The following CHIC1 variants were observed in gnomAD, a reference collection of about 807,000 sequenced individuals.
CHIC1 encodes cysteine-rich hydrophobic domain-containing protein 1.
CHIC1 carries 7 observed loss-of-function variants against 18.5 expected under a neutral mutation model. That is an observed-to-expected ratio of 0.38 (90% CI 0.22 to 0.71). The LOEUF (loss-of-function observed/expected upper bound fraction) is 0.71, where lower values mean the gene tolerates loss of function less well. Among genes scored for constraint, CHIC1 ranks in the 30% least tolerant of loss-of-function variants. CHIC1 has a pLI of 0.49. For synonymous variants in CHIC1, 77 were observed against 73.5 expected, an observed-to-expected ratio of 1.05 and a Z score of -0.25; for missense variants, 159 against 176.9, an observed-to-expected ratio of 0.90 and a Z score of 0.57.
chrX:73,563,719 A>G (rs1254075764), intron 1 of CHIC1, 139 bp downstream of exon 1: 1 of 553,801 alleles, frequency 1.8e-6, no homozygotes, highest in Non-Finnish European at 2.6e-6. Flanking sequence ...CACCTGGTCT[A>G]AATGGGGAAA....
At chrX:73,603,681 A>G (rs767647084) in intron 3 of CHIC1, among the ~76,000 whole-genome samples, 1 of 108,466 alleles carries the variant, frequency 9.2e-6, no homozygotes, top group East Asian at 2.8e-4. Context: ...TTCCATTAAT[A>G]CCTTGTTTAT....
intron 3 of CHIC1, among the ~76,000 whole-genome samples, chrX:73,612,207 T>A (rs1185513819): frequency 2.7e-5 from 3 of 111,921 alleles, no homozygotes; most frequent in African/African-American, 3.2e-5. Context: ...ATAAGTTGTA[T>A]GGAAGGGATC....
chrX:73,680,088 C>T (rs2058090404), intron 5 of CHIC1, among the ~76,000 whole-genome samples: 1 of 103,277 alleles, frequency 9.7e-6, no homozygotes, highest in Admixed American at 1.0e-4. Flanking sequence ...TTCTGGATTC[C>T]TATTACTGGC....
intron 3 of CHIC1, among the ~76,000 whole-genome samples, chrX:73,673,266 T>C (rs2058041865): frequency 9.0e-6 from 1 of 111,694 alleles, no homozygotes; most frequent in African/African-American, 3.3e-5. Flanking sequence ...TTAAAGTAGT[T>C]TTTTCCAATT....
chrX:73,597,594 C>T (rs1329641130), intron 3 of CHIC1, among the ~76,000 whole-genome samples: 1 of 105,068 alleles, frequency 9.5e-6, no homozygotes, highest in Non-Finnish European at 2.0e-5. Flanking sequence ...TATATACACA[C>T]ATATATATAT....
chrX:73,655,502 A>G (rs759909568), intron 3 of CHIC1, among the ~76,000 whole-genome samples: 9 of 84,057 alleles, frequency 1.1e-4, no homozygotes, highest in Non-Finnish European at 1.6e-4. Flanking sequence ...GTGTATATAT[A>G]TATACATATA....
intron 3 of CHIC1, among the ~76,000 whole-genome samples, chrX:73,641,667 C>G (rs2057857014): frequency 9.2e-6 from 1 of 108,853 alleles, no homozygotes. Context: ...TCCCTTCCCC[C>G]CTCCCCCCAC....
rs766670522 is a variant in CHIC1, at chrX:73,616,533, G to A, written c.507+31961G>A. ...ACATTTTCCTTACATTGCCCTAGCA[G>A]ATGTTCTCTATGAGAGCCCCACCCC... On this transcript the variant is annotated intron_variant, in intron 3 of 5. Coordinates refer to ENST00000373502, the MANE Select transcript of CHIC1 (RefSeq NM_001039840.4). Among the ~76,000 whole-genome samples, 6 of 112,091 alleles carry A rather than the reference G, an allele frequency of 5.4e-5. No individual in the cohort carries two copies. The East Asian group carries it at 8.5e-4, about 16-fold the overall frequency.
At chrX:73,601,488 A>C (rs1603342279) in intron 3 of CHIC1, among the ~76,000 whole-genome samples, 1 of 106,639 alleles carries the variant, frequency 9.4e-6, no homozygotes, top group African/African-American at 3.7e-5. Context: ...TGAAGGCAGA[A>C]ATAAAGATGT....
chrX:73,665,232 G>T (rs751804132), intron 3 of CHIC1, among the ~76,000 whole-genome samples: 32 of 110,758 alleles, frequency 2.9e-4, no homozygotes, highest in Non-Finnish European at 5.3e-4. Context: ...GCTGAGGGAG[G>T]TGGAGGTGGA....
intron 3 of CHIC1, among the ~76,000 whole-genome samples, chrX:73,649,874 C>T (rs192499750): frequency 8.9e-6 from 1 of 112,711 alleles, no homozygotes; most frequent in East Asian, 2.8e-4. Context: ...CACCCCAAAT[C>T]TGCAGAATAT....
intron 5 of CHIC1, among the ~76,000 whole-genome samples, chrX:73,680,242 A>G (rs2058091791): frequency 9.0e-6 from 1 of 110,574 alleles, no homozygotes; most frequent in Admixed American, 9.7e-5. Context: ...CATAATTAAC[A>G]TTGAAAATAT....
rs148912894 is a variant in CHIC1 at position 73,584,482 on chromosome X, G to A, written c.417G>A (p.Pro139=). Residue 139 remains proline (P), a synonymous_variant, in exon 3 of 6, where the codon CCG becomes CCA. Transcript: ENST00000373502. ...ATGCATGTTTGAAAAAGGCTCTCCC[G>A]GTCAATGTGAAATGGCTGCTGTGTG... is the stretch of plus-strand genomic sequence containing the variant. ...RVNACLKKAL[P]VNVKWLLCGC... 7.5e-5 allele frequency: 88 copies of A among 1,172,249 alleles called. No individual in the cohort carries two copies. The highest frequency in any genetic ancestry group is 7.2e-4 in the Admixed American group (29 of 40,275).
intron 3 of CHIC1, among the ~76,000 whole-genome samples, chrX:73,645,865 A>T (rs775150585): frequency 9.0e-6 from 1 of 111,561 alleles, no homozygotes; most frequent in Non-Finnish European, 1.9e-5. Flanking sequence ...TCACTCTGTT[A>T]ATTATTTCCT....
intron 3 of CHIC1, among the ~76,000 whole-genome samples, chrX:73,617,964 C>T (rs964852467): frequency 8.9e-6 from 1 of 112,014 alleles, no homozygotes; most frequent in African/African-American, 3.2e-5. Context: ...TCTTTTGTCC[C>T]ATGGGGTGCT....
In CHIC1 at chrX:73,680,098, C is replaced by CTT. The variant is rs60843988; in HGVS notation, c.624+400_624+401dup. On this transcript the variant is annotated intron_variant, in intron 5 of 5. Transcript: ENST00000373502. ...CTGCATTCTGGATTCCTATTACTGG[C>CTT]TTTTTTTTTTTTTTTTGGCTGACAT... is the stretch of plus-strand genomic sequence containing the variant. Among the ~76,000 whole-genome samples the CTT allele has an allele frequency of 9.3e-5, 8 of 85,983 alleles. No individual in the cohort carries two copies. In the South Asian group the frequency reaches 2.1e-3, roughly 22 times the overall value. The allele number at this position is 85,983 out of a possible 115,157, so 74.7% of individuals were successfully genotyped here.
At chrX:73,622,952 G>T (rs911728774) in intron 3 of CHIC1, among the ~76,000 whole-genome samples, 1 of 111,992 alleles carries the variant, frequency 8.9e-6, no homozygotes, top group African/African-American at 3.2e-5. Context: ...TTACCCAGTA[G>T]TCATTCAGGA....
At chrX:73,581,062 A>G (rs987323414) in intron 2 of CHIC1, among the ~76,000 whole-genome samples, 4 of 111,198 alleles carry the variant, frequency 3.6e-5, no homozygotes, top group African/African-American at 1.3e-4. Context: ...AAGAAAGTAA[A>G]GCTTTTGGCC....
At chrX:73,665,075 G>A (rs1213108746) in intron 3 of CHIC1, among the ~76,000 whole-genome samples, 1 of 112,158 alleles carries the variant, frequency 8.9e-6, no homozygotes, top group African/African-American at 3.2e-5. Flanking sequence ...TAACAGGCAG[G>A]CCAAGAGCTC....
Sources: allele counts gnomAD v4.1 joint callset (sites outside exome capture counted in the v4.1 genomes callset), GRCh38; gene constraint gnomAD v4.1.1; transcripts MANE v1.5; gene names NCBI Gene and HGNC (gene_info 2026-07-23, HGNC 2026-07-21).